The following ELFN2 variants were observed in gnomAD, a reference collection of about 807,000 sequenced individuals.
ELFN2 encodes extracellular leucine rich repeat and fibronectin type III domain containing 2, also known as protein phosphatase 1 regulatory subunit 29.
Under a neutral mutation model 45.5 loss-of-function variants are expected in ELFN2, and 17 were observed. That is an observed-to-expected ratio of 0.37 (90% CI 0.26 to 0.56). The LOEUF is 0.56. Ranked by LOEUF, ELFN2 falls within the 20% of genes least tolerant of loss-of-function variation. The pLI is 0.77. For synonymous variants in ELFN2, 550 were observed against 551.5 expected (o/e 1.00, Z 0.04); for missense variants, 922 against 1,183.2 (o/e 0.78, Z 3.24).
intron 1 of ELFN2, among the ~76,000 whole-genome samples, chr22:37,422,944 G>A (rs908202323): frequency 2.4e-5 from 2 of 83,140 alleles, no homozygotes. Flanking sequence ...ACTGGGCCTC[G>A]GGGGGGGGGG....
chr22:37,396,969 G>A (rs761650371), intron 2 of ELFN2, among the ~76,000 whole-genome samples: 3 of 152,206 alleles, frequency 2.0e-5, no homozygotes, highest in South Asian at 2.1e-4. Context: ...GGAGGCTTCC[G>A]GAGGGCAGCT....
chr22:37,397,077 G>A (rs1044344473), intron 2 of ELFN2, among the ~76,000 whole-genome samples: 3 of 152,128 alleles, frequency 2.0e-5, no homozygotes. Context: ...CCAACACGGT[G>A]AACTCCTACC....
At chr22:37,410,841 T>G (rs2145681518) in intron 2 of ELFN2, among the ~76,000 whole-genome samples, 1 of 152,254 alleles carries the variant, frequency 6.6e-6, no homozygotes, top group South Asian at 2.1e-4. Context: ...ATCGGCTCCT[T>G]CCACGACATC....
In ELFN2 at chr22:37,374,089, G is replaced by A; in HGVS notation, c.1446C>T (p.Pro482=). 1.2e-6 allele frequency: 2 copies of A among 1,613,122 alleles called. No homozygotes were observed. Among genetic ancestry groups the A allele is most frequent in the South Asian group, 1.1e-5 (1 of 91,090 alleles). Residue 482 remains proline (P), a synonymous_variant, in exon 3 of 3, where the codon CCC becomes CCT. Coordinates refer to ENST00000402918, the MANE Select transcript of ELFN2 (RefSeq NM_052906.5). ...GCCCGGCCTCCAACCCCTTGGCGGT[G>A]GGCAGCTTCTCCCCGATCATGGAGG... ...SIPSMIGEKL[P]TAKGLEAGLD...
At chr22:37,426,157 G>A (rs1932847221) in intron 1 of ELFN2, among the ~76,000 whole-genome samples, 1 of 152,032 alleles carries the variant, frequency 6.6e-6, no homozygotes. Flanking sequence ...CTGGGTGGGA[G>A]GAGTCCAGGG....
chr22:37,397,601 A>G (rs1319990634), intron 2 of ELFN2, among the ~76,000 whole-genome samples: 1 of 152,146 alleles, frequency 6.6e-6, no homozygotes, highest in African/African-American at 2.4e-5. Context: ...CTAGACCCCA[A>G]GGTCAGCTGA....
intron 2 of ELFN2, among the ~76,000 whole-genome samples, chr22:37,403,725 G>A: frequency 6.6e-6 from 1 of 152,238 alleles, no homozygotes; most frequent in Non-Finnish European, 1.5e-5. Flanking sequence ...CCCCAACGAG[G>A]CTCATCATCT....
downstream of ELFN2, among the ~76,000 whole-genome samples, chr22:37,363,973 T>C (rs1229550223): frequency 6.6e-6 from 1 of 152,082 alleles, no homozygotes; most frequent in African/African-American, 2.4e-5. Flanking sequence ...AGGAGGCTCA[T>C]GGGGCCAACC....
At chr22:37,366,357 C>T (rs1486418559), downstream of ELFN2, among the ~76,000 whole-genome samples, 3 of 152,224 alleles carry the variant, frequency 2.0e-5, no homozygotes, top group East Asian at 1.9e-4. Flanking sequence ...AAAGCCATCC[C>T]GGAGGACACT....
intron 1 of ELFN2, among the ~76,000 whole-genome samples, chr22:37,344,109 C>T (rs1373296413): frequency 8.6e-6 from 1 of 115,638 alleles, no homozygotes; most frequent in Non-Finnish European, 1.8e-5. Context: ...TGGCCCCCTG[C>T]CTATGCCCGC....
At chr22:37,380,264 C>T (rs947364941) in intron 2 of ELFN2, among the ~76,000 whole-genome samples, 1 of 152,122 alleles carries the variant, frequency 6.6e-6, no homozygotes, top group Non-Finnish European at 1.5e-5. Context: ...ACGCAGGCAG[C>T]GGAGGTCAGC....
rs554073339 is a variant in ELFN2, at chr22:37,357,215, C to A, written n.149-14512G>T. 7.6e-4 allele frequency among the ~76,000 whole-genome samples: 116 copies of A among 152,324 alleles called. 1 individual carries two copies. The South Asian group carries it at 0.023, about 30-fold the overall frequency. On this transcript the variant is annotated intron_variant and non_coding_transcript_variant, in intron 1 of 2. Coordinates refer to ENST00000452946, the Ensembl canonical transcript of ELFN2. ...AAAGGAAATAAGGAACACCTGTCAG[C>A]TGCCTTTTTAGGACGGTTCCTGGAA...
intron 2 of ELFN2, among the ~76,000 whole-genome samples, chr22:37,378,798 C>T (rs925729766): frequency 3.3e-5 from 5 of 152,246 alleles, no homozygotes; most frequent in Non-Finnish European, 5.9e-5. Context: ...GGAGACCTGA[C>T]GCGGCCAGGG....
intron 2 of ELFN2, among the ~76,000 whole-genome samples, chr22:37,398,273 C>T (rs865790345): frequency 7.9e-5 from 12 of 152,144 alleles, no homozygotes; most frequent in Non-Finnish European, 1.8e-4. Context: ...TCCAACCTGC[C>T]CTTTATTCCT....
chr22:37,407,897 A>G (rs973861281), intron 2 of ELFN2, among the ~76,000 whole-genome samples: 4 of 151,916 alleles, frequency 2.6e-5, no homozygotes, highest in African/African-American at 9.7e-5. Flanking sequence ...TCCGTCTCAA[A>G]AAAAAAAAGA....
Position 37,371,687 on chromosome 22 carries a change from C to T in ELFN2, c.*1385G>A, listed in dbSNP as rs1428358260. ...GTCACTCTGGGCACCAACTGCCAGG[C>T]ACAGGGTTACCATGGTGACAGAGGC... On this transcript the variant is annotated 3_prime_UTR_variant, in exon 3 of 3. Transcript: ENST00000402918. This position sits in a 1 kb window ranked among gnomAD's most constrained non-coding sequence, Gnocchi z 6.4. 2 of 152,612 alleles carry T rather than the reference C, an allele frequency of 1.3e-5. No individual in the cohort carries two copies. The highest frequency in any genetic ancestry group is 4.8e-5 in the African/African-American group (2 of 41,450). 9.5% of individuals were successfully genotyped at this position (152,612 alleles called of 1,614,324 possible). A position where few individuals can be genotyped will look rare whatever the true frequency, so the allele number is the denominator to read the frequency against.
intron 1 of ELFN2, among the ~76,000 whole-genome samples, chr22:37,422,793 C>G (rs1049839122): frequency 6.6e-6 from 1 of 151,914 alleles, no homozygotes; most frequent in Non-Finnish European, 1.5e-5. Flanking sequence ...CAGGGTTTCA[C>G]CATGTTGGCC....
intron 2 of ELFN2, among the ~76,000 whole-genome samples, chr22:37,397,368 A>G (rs7285729): frequency 0.19 from 28,397 of 152,172 alleles, 2,824 homozygotes; most frequent in Admixed American, 0.3. Context: ...CCCAGCTGGC[A>G]TCCGTCTCCA....
intron 2 of ELFN2, among the ~76,000 whole-genome samples, chr22:37,404,467 G>T (rs1457111450): frequency 2.6e-5 from 4 of 152,054 alleles, no homozygotes; most frequent in African/African-American, 7.2e-5. Flanking sequence ...CGTAGTGCCT[G>T]CCCTGGAACA....
Sources: gnomAD v4.1 joint callset for allele counts (sites outside exome capture counted in the v4.1 genomes callset) on GRCh38, gnomAD v4.1.1 for gene constraint, Gnocchi (gnomAD v3.1) non-coding constraint, MANE v1.5 for transcripts, NCBI Gene and HGNC (gene_info 2026-07-23, HGNC 2026-07-21) for gene names.